Variants in PRSS12 observed in about 807,000 individuals in gnomAD.
The protein encoded by PRSS12 is serine protease 12, also known as neurotrypsin.
Under a neutral mutation model 104.4 loss-of-function variants are expected in PRSS12, and 85 were observed. The ratio of observed to expected loss-of-function variants is 0.81; its 90% CI spans 0.68 to 0.98. The LOEUF (loss-of-function observed/expected upper bound fraction) is 0.98, where lower values mean the gene tolerates loss of function less well. PRSS12 is among the 50% of genes least tolerant of loss of function. The pLI, the probability that PRSS12 is intolerant of heterozygous loss-of-function variation, is 0.00. For synonymous variants in PRSS12, 454 were observed against 425.2 expected, an observed-to-expected ratio of 1.07 and a Z score of -0.83; for missense variants, 1,141 against 1,139.2, an observed-to-expected ratio of 1.00 and a Z score of -0.02.
At position 118,327,447 on chromosome 4, in the gene PRSS12, T is replaced by C. The variant is rs572320219; in HGVS notation, c.971+4269A>G. 2.0e-5 allele frequency among the ~76,000 whole-genome samples: 3 copies of C among 152,182 alleles called. No individual in the cohort carries two copies. The East Asian group carries it at 5.8e-4, about 29-fold the overall frequency. ...GATTATAGGCGTGAGACACCATGCC[T>C]GGCAAAAAACAATTTTTAAAGAGTA... On this transcript the variant is annotated intron_variant, in intron 4 of 12. Transcript: ENST00000296498.
chr4:118,316,008 T>G (rs191202419), intron 6 of PRSS12, among the ~76,000 whole-genome samples, 174 bp downstream of exon 6: 1 of 151,902 alleles, frequency 6.6e-6, no homozygotes, highest in African/African-American at 2.4e-5. Flanking sequence ...CAGCAAGAGG[T>G]GGTTATTCAT....
intron 1 of PRSS12, among the ~76,000 whole-genome samples, chr4:118,343,655 G>A (rs1484743152): frequency 1.3e-5 from 2 of 152,172 alleles, no homozygotes; most frequent in Non-Finnish European, 2.9e-5. Context: ...TACTTGGGAG[G>A]CTGAGGCAAA....
chr4:118,296,855 T>C (rs1052196292), intron 9 of PRSS12, among the ~76,000 whole-genome samples: 3 of 152,138 alleles, frequency 2.0e-5, no homozygotes, highest in Non-Finnish European at 4.4e-5. Flanking sequence ...ATGAGTCCTC[T>C]AGATGACACT....
chr4:118,308,342 C>T (rs1560772297), intron 8 of PRSS12, 94 bp downstream of exon 8: 3 of 1,513,526 alleles, frequency 2.0e-6, no homozygotes, highest in Middle Eastern at 1.7e-4. Flanking sequence ...ATGACAGAAG[C>T]TCATTTTAAG....
At chr4:118,348,191 T>G (rs1023812616) in intron 1 of PRSS12, among the ~76,000 whole-genome samples, 3 of 152,200 alleles carry the variant, frequency 2.0e-5, no homozygotes, top group African/African-American at 7.2e-5. Flanking sequence ...ATGGCACAAA[T>G]GCATTTTGTC....
Position 118,325,791 on chromosome 4 carries a change from AG to A in PRSS12, c.971+5924del, listed in dbSNP as rs1435162314. Among the ~76,000 whole-genome samples the A allele has an allele frequency of 2.0e-5, 3 of 152,060 alleles. 1 individual carries two copies. The highest frequency in any genetic ancestry group is 1.5e-5 in the Non-Finnish European group (1 of 67,944). On this transcript the variant is annotated intron_variant, in intron 4 of 12. Coordinates refer to ENST00000296498, the MANE Select transcript of PRSS12 (RefSeq NM_003619.4). ...GCCCCAGCAGTTCATCTGTAATAAAAGCTCTAGTGTTGTCTAGTTTTTTACC... is the reference window on the plus strand; with the variant it reads ...GCCCCAGCAGTTCATCTGTAATAAAACTCTAGTGTTGTCTAGTTTTTTACC...
intron 4 of PRSS12, among the ~76,000 whole-genome samples, chr4:118,324,231 G>A (rs1486578386): frequency 1.3e-5 from 2 of 151,862 alleles, no homozygotes; most frequent in African/African-American, 4.8e-5. Context: ...CAATAGAGAG[G>A]ATCCAACTAT....
intron 7 of PRSS12, among the ~76,000 whole-genome samples, chr4:118,309,024 G>A (rs1743635404): frequency 6.6e-6 from 1 of 151,652 alleles, no homozygotes; most frequent in Non-Finnish European, 1.5e-5. Flanking sequence ...GATATAAATA[G>A]ACACAATCTT....
Position 118,280,266 on chromosome 4 carries a change from G to T in PRSS12, c.*1670C>A, listed in dbSNP as rs1232700886. The T allele has an allele frequency of 6.6e-6, 1 of 152,218 alleles. No individual in the cohort carries two copies. Among genetic ancestry groups the T allele is most frequent in the Non-Finnish European group, 1.5e-5 (1 of 68,028 alleles). 9.4% of individuals were successfully genotyped at this position (152,218 alleles called of 1,614,324 possible). The stretch of plus-strand genomic sequence containing the variant: ...GTTTAATTATAAGGGCAGCCTGTGA[G>T]AAAGTTTCAATAGACATTTTTCTCA... On this transcript the variant is annotated 3_prime_UTR_variant, in exon 13 of 13. Coordinates refer to ENST00000296498, the MANE Select transcript of PRSS12 (RefSeq NM_003619.4).
intron 8 of PRSS12, among the ~76,000 whole-genome samples, chr4:118,306,614 TG>T (rs1323174113): frequency 6.6e-6 from 1 of 152,156 alleles, no homozygotes. Flanking sequence ...CAGCAAGGGA[TG>T]GCCTAAGCCA....
At chr4:118,339,706 T>C (rs985064175) in intron 1 of PRSS12, among the ~76,000 whole-genome samples, 2 of 152,236 alleles carry the variant, frequency 1.3e-5, no homozygotes, top group African/African-American at 2.4e-5. Context: ...GAGGAAGTCC[T>C]GCCTAGCTCA....
Position 118,280,074 on chromosome 4 carries a change from A to T in PRSS12, c.*1862T>A, listed in dbSNP as rs1274204062. 1 of 152,274 alleles carries T rather than the reference A, an allele frequency of 6.6e-6. No homozygotes were observed. The highest frequency in any genetic ancestry group is 1.9e-4 in the East Asian group (1 of 5,208). 9.4% of individuals were successfully genotyped at this position (152,274 alleles called of 1,614,324 possible). On this transcript the variant is annotated 3_prime_UTR_variant, in exon 13 of 13. Transcript: ENST00000296498. ...AAATTATGTATTTATTTACACAAAT[A>T]TGCACAGAACACTTGTATCTTTCAA...
chr4:118,315,857 T>C (rs1437019198), intron 6 of PRSS12, among the ~76,000 whole-genome samples: 2 of 152,114 alleles, frequency 1.3e-5, no homozygotes, highest in African/African-American at 4.8e-5. Flanking sequence ...ACTAAAAACA[T>C]CCAATAGTAA....
intron 8 of PRSS12, among the ~76,000 whole-genome samples, chr4:118,302,728 T>C (rs2126030283): frequency 6.6e-6 from 1 of 152,212 alleles, no homozygotes; most frequent in East Asian, 1.9e-4. Flanking sequence ...TGCCCAGCTG[T>C]ATTGTTAATC....
In PRSS12 at chr4:118,352,758, C is replaced by T. The variant is rs1318823582; in HGVS notation, c.-38G>A. 6.2e-7 allele frequency: 1 copy of T among 1,606,082 alleles called. No individual in the cohort carries two copies. The highest frequency in any genetic ancestry group is 8.5e-7 in the Non-Finnish European group (1 of 1,176,324). On this transcript the variant is annotated 5_prime_UTR_variant, in exon 1 of 13. Transcript: ENST00000296498. ...GCGGGGTCTGGTCCATGCTCCCCAGCTTCTCGGGCTTGGAGCGGAGAAGAG... is the reference window on the plus strand; with the variant it reads ...GCGGGGTCTGGTCCATGCTCCCCAGTTTCTCGGGCTTGGAGCGGAGAAGAG...
intron 7 of PRSS12, among the ~76,000 whole-genome samples, chr4:118,312,657 A>C (rs1393077604): frequency 6.6e-6 from 1 of 152,212 alleles, no homozygotes; most frequent in Non-Finnish European, 1.5e-5. Flanking sequence ...GGTTTCTAAA[A>C]TAACAAGTTA....
At position 118,281,840 on chromosome 4, in the gene PRSS12, G is replaced by T. The variant is rs894566135; in HGVS notation, c.*96C>A. 2.3e-5 allele frequency: 18 copies of T among 781,056 alleles called. No homozygotes were observed. Among genetic ancestry groups the T allele is most frequent in the Non-Finnish European group, 3.5e-5 (15 of 427,572 alleles). The allele number at this position is 781,056 out of a possible 1,614,324, so 48.4% of individuals were successfully genotyped here. A position where few individuals can be genotyped will look rare whatever the true frequency, so the allele number is the denominator to read the frequency against. On this transcript the variant is annotated 3_prime_UTR_variant, in exon 13 of 13. Transcript: ENST00000296498. Reference sequence around the variant, plus strand: ...TTTACCACAACACAAAGCAAAAACAGATCTTGCCATTTGTTGTCATCTCTG... The same window carrying T: ...TTTACCACAACACAAAGCAAAAACATATCTTGCCATTTGTTGTCATCTCTG...
intron 4 of PRSS12, among the ~76,000 whole-genome samples, chr4:118,321,275 T>A (rs1723610123): frequency 6.6e-6 from 1 of 152,234 alleles, no homozygotes; most frequent in Non-Finnish European, 1.5e-5. Context: ...ATAGGATTGT[T>A]CTAAATAAAG....
chr4:118,329,817 A>G (rs1578930882), intron 4 of PRSS12, among the ~76,000 whole-genome samples: 1 of 152,304 alleles, frequency 6.6e-6, no homozygotes, highest in East Asian at 1.9e-4. Context: ...AGCTTTTCGC[A>G]ACTCCAAAAA....
Sources: allele counts gnomAD v4.1 joint callset (sites outside exome capture counted in the v4.1 genomes callset), GRCh38; gene constraint gnomAD v4.1.1; transcripts MANE v1.5; gene names NCBI Gene and HGNC (gene_info 2026-07-23, HGNC 2026-07-21).